Variants in SRSF4 observed in about 807,000 individuals in gnomAD.
The protein encoded by SRSF4 is serine/arginine-rich splicing factor 4.
Under a neutral mutation model 48.8 loss-of-function variants are expected in SRSF4, and 12 were observed. The observed-to-expected ratio is 0.25, with a 90% CI of 0.16 to 0.40. The LOEUF (loss-of-function observed/expected upper bound fraction) is 0.40, where lower values mean the gene tolerates loss of function less well. Ranked by LOEUF, SRSF4 falls within the 10% of genes least tolerant of loss-of-function variation. The probability of loss-of-function intolerance (pLI) is 1.00; values close to 1 mark genes in which losing one functional copy is unlikely to be tolerated. For synonymous variants in SRSF4, 248 were observed against 232.5 expected, an observed-to-expected ratio of 1.07 and a Z score of -0.61; for missense variants, 466 against 667.1, an observed-to-expected ratio of 0.70 and a Z score of 3.32.
intron 1 of SRSF4, among the ~76,000 whole-genome samples, chr1:29,177,040 G>A (rs761515205): frequency 1.8e-4 from 28 of 152,102 alleles, no homozygotes; most frequent in Admixed American, 6.5e-4. Context: ...ATATGGAAAA[G>A]CTAAGATATA....
At position 29,181,822 on chromosome 1, in the gene SRSF4, A is replaced by ACGGCGGCAGCGG. The variant is rs1418115867; in HGVS notation, c.-82_-71dup. 1 of 1,328,760 alleles carries ACGGCGGCAGCGG rather than the reference A, an allele frequency of 7.5e-7. No individual in the cohort carries two copies. Among genetic ancestry groups the ACGGCGGCAGCGG allele is most frequent in the Non-Finnish European group, 9.8e-7 (1 of 1,020,752 alleles). The allele number at this position is 1,328,760 out of a possible 1,614,324, so 82.3% of individuals were successfully genotyped here. The stretch of plus-strand genomic sequence containing the variant: ...AGGCGGCGGCGGGCAAAGCGAGAGC[A>ACGGCGGCAGCGG]CGGCGGCAGCGGCGGCGGCGGCAAC... On this transcript the variant is annotated 5_prime_UTR_variant, in exon 1 of 6. Coordinates refer to ENST00000373795, the MANE Select transcript of SRSF4 (RefSeq NM_005626.5).
rs1672573981 is a variant in SRSF4, at chr1:29,160,293, T to C, written c.250+82A>G. 2.1e-6 allele frequency: 3 copies of C among 1,434,368 alleles called. No individual in the cohort carries two copies. The East Asian group carries it at 7.5e-5, about 36-fold the overall frequency. The allele number at this position is 1,434,368 out of a possible 1,614,324, so 88.9% of individuals were successfully genotyped here. ...TAGCTTAAACATCAATACGTTTAAATGTAATATCAATTAATTACTTTAAAA... is the reference window on the plus strand; with the variant it reads ...TAGCTTAAACATCAATACGTTTAAACGTAATATCAATTAATTACTTTAAAA... On this transcript the variant is annotated intron_variant, in intron 2 of 5. Coordinates refer to ENST00000373795, the MANE Select transcript of SRSF4 (RefSeq NM_005626.5).
At chr1:29,157,965 G>A (rs1227582866) in intron 3 of SRSF4, among the ~76,000 whole-genome samples, 1 of 152,106 alleles carries the variant, frequency 6.6e-6, no homozygotes, top group Non-Finnish European at 1.5e-5. Context: ...TGGTCAGGAG[G>A]AGCTCGAGAC....
At chr1:29,154,285 G>A (rs1401429713) in intron 4 of SRSF4, among the ~76,000 whole-genome samples, 4 of 151,746 alleles carry the variant, frequency 2.6e-5, no homozygotes, top group South Asian at 4.2e-4. Flanking sequence ...GGCTGGTCTC[G>A]ACTCCTGACA....
At chr1:29,159,941 G>A (rs1049293752) in intron 2 of SRSF4, 46 of 172,308 alleles carry the variant, frequency 2.7e-4, no homozygotes, top group Non-Finnish European at 2.1e-4. Flanking sequence ...GGTTGCGGTC[G>A]TCACATGGCT....
chr1:29,149,093 TGCTGCGGCTCTTGCCAGCGCTATG>T lies in SRSF4; in HGVS notation c.778_801del (p.His260_Ser267del), dbSNP rs1158620906. ...TTCTCTTCAGCTTGGTCTTTGCTCT[TGCTGCGGCTCTTGCCAGCGCTATG>T]GCTGCGGCTGCGGCTCTTTTCCTTG... is the stretch of plus-strand genomic sequence containing the variant. On this transcript the variant is annotated inframe_deletion, in exon 6 of 6. Transcript: ENST00000373795. 1.2e-6 allele frequency: 2 copies of T among 1,614,022 alleles called. No individual in the cohort carries two copies. Among genetic ancestry groups the T allele is most frequent in the Non-Finnish European group, 1.7e-6 (2 of 1,180,018 alleles).
intron 1 of SRSF4, among the ~76,000 whole-genome samples, chr1:29,174,153 C>T (rs1163685855): frequency 6.7e-6 from 1 of 148,544 alleles, no homozygotes; most frequent in Non-Finnish European, 1.5e-5. Flanking sequence ...CATGCCACTG[C>T]ACTGCACTGC....
In SRSF4 at chr1:29,148,846, C is replaced by T; in HGVS notation, c.1049G>A (p.Ser350Asn). 6.2e-7 allele frequency: 1 copy of T among 1,609,866 alleles called. No homozygotes were observed. The highest frequency in any genetic ancestry group is 8.5e-7 in the Non-Finnish European group (1 of 1,177,794). ...CTTCCTGCCCTTCCTCTTGTCCTTG[C>T]TCTTGCTGCGGCTCCTGCTCCGGCT... is the stretch of plus-strand genomic sequence containing the variant. ...SRSRSRSRSKSKDKRKGRKRS... is the reference protein window; with the variant it reads ...SRSRSRSRSKNKDKRKGRKRS... Residue 350 changes from serine (S) to asparagine (N), a missense_variant, in exon 6 of 6, where the codon AGC becomes AAC. Around this residue, in one of 2 missense-constraint regions of SRSF4, gnomAD observed 402 missense variants for 437.0 expected, o/e 0.92. Transcript: ENST00000373795.
chr1:29,178,623 T>C (rs757292611), intron 1 of SRSF4, among the ~76,000 whole-genome samples: 7 of 152,182 alleles, frequency 4.6e-5, no homozygotes, highest in Non-Finnish European at 8.8e-5. Flanking sequence ...CCCAAAGTGC[T>C]GGGATTACAG....
chr1:29,148,422 G>C lies in SRSF4; in HGVS notation c.1473C>G (p.His491Gln), dbSNP rs765648098. 3.8e-6 allele frequency: 6 copies of C among 1,598,896 alleles called. No individual in the cohort carries two copies. Among genetic ancestry groups the C allele is most frequent in the African/African-American group, 1.3e-5 (1 of 74,684 alleles). The change falls in exon 6 of 6, where the codon CAC becomes CAG. Residue 491 changes from histidine (H) to glutamine (Q), a missense_variant. His to Gln is a conservative substitution (Grantham distance 24). Transcript: ENST00000373795. Reference sequence around the variant, plus strand: ...TGGCCATAGCCAGTTAGGACCTTGAGTGGGACCTAGATCTAGATCGGGAGG... The same window carrying C: ...TGGCCATAGCCAGTTAGGACCTTGACTGGGACCTAGATCTAGATCGGGAGG... ...RSPSRSRSRS[H>Q]SRS
chr1:29,165,508 T>C (rs914186947), intron 1 of SRSF4, among the ~76,000 whole-genome samples: 6 of 152,254 alleles, frequency 3.9e-5, no homozygotes, highest in African/African-American at 1.4e-4. Flanking sequence ...TAATAGCCTA[T>C]ACCAATGGTC....
intron 1 of SRSF4, chr1:29,172,084 A>G: frequency 6.6e-6 from 1 of 152,200 alleles, no homozygotes; most frequent in South Asian, 2.1e-4. Context: ...TTCCCCATAT[A>G]TTGGGGGAAA....
At chr1:29,159,717 A>G (rs1672563489) in intron 2 of SRSF4, 2 of 349,088 alleles carry the variant, frequency 5.7e-6, no homozygotes, top group South Asian at 8.0e-5. Context: ...ATTTGCATTT[A>G]AGATTAACAT....
chr1:29,178,925 T>C lies in SRSF4; in HGVS notation c.107+2721A>G, dbSNP rs578223020. Among the ~76,000 whole-genome samples, 51 of 152,346 alleles carry C rather than the reference T, an allele frequency of 3.3e-4. No homozygotes were observed. The South Asian group carries it at 0.01, about 31-fold the overall frequency. On this transcript the variant is annotated intron_variant, in intron 1 of 5. Coordinates refer to ENST00000373795, the MANE Select transcript of SRSF4 (RefSeq NM_005626.5). ...TGCCAGGAGGTCATATTGTGTGCTG[T>C]TTGGTGACTGTCATACCTGTCTTTG...
chr1:29,154,618 G>T, intron 4 of SRSF4, 78 bp downstream of exon 4: 2 of 1,403,030 alleles, frequency 1.4e-6, no homozygotes, highest in South Asian at 2.6e-5. Context: ...AACTCAACAG[G>T]AAAATGTAAA....
At chr1:29,178,098 C>T (rs2151828539) in intron 1 of SRSF4, among the ~76,000 whole-genome samples, 1 of 151,884 alleles carries the variant, frequency 6.6e-6, no homozygotes, top group South Asian at 2.1e-4. Flanking sequence ...TGGGGTTTCA[C>T]CATGTTGGCC....
chr1:29,158,874 C>A (rs1484466907), intron 3 of SRSF4, among the ~76,000 whole-genome samples: 1 of 152,116 alleles, frequency 6.6e-6, no homozygotes, highest in East Asian at 1.9e-4. Context: ...GTAATCCCAG[C>A]ACTTTGGGAG....
chr1:29,176,198 G>T (rs540730795), intron 1 of SRSF4, among the ~76,000 whole-genome samples: 3 of 152,256 alleles, frequency 2.0e-5, no homozygotes, highest in Non-Finnish European at 4.4e-5. Flanking sequence ...GTTGCAGTGA[G>T]CTGAGATTGT....
At chr1:29,178,256 A>G (rs920173015) in intron 1 of SRSF4, among the ~76,000 whole-genome samples, 3 of 152,162 alleles carry the variant, frequency 2.0e-5, no homozygotes, top group Admixed American at 6.5e-5. Context: ...TCAGCCTAAC[A>G]TATCTACTGA....
Sources: gnomAD v4.1 joint callset for allele counts (sites outside exome capture counted in the v4.1 genomes callset) on GRCh38, gnomAD v4.1.1 for gene constraint, gnomAD v4.1.1 regional missense constraint, MANE v1.5 for transcripts, NCBI Gene and HGNC (gene_info 2026-07-23, HGNC 2026-07-21) for gene names.